LCLAT1: variants seen among roughly 807,000 people sequenced by gnomAD.
The protein encoded by LCLAT1 is lysocardiolipin acyltransferase 1.
In LCLAT1, 11 loss-of-function variants were observed where a neutral mutation model predicts 30.7. That is an observed-to-expected ratio of 0.36 (90% CI 0.23 to 0.59). The LOEUF (loss-of-function observed/expected upper bound fraction) is 0.59. Among genes scored for constraint, LCLAT1 ranks in the 20% least tolerant of loss-of-function variants. LCLAT1 has a pLI of 0.77. For synonymous variants in LCLAT1, 155 were observed against 151.3 expected (o/e 1.02, Z -0.18); for missense variants, 402 against 458.6 (o/e 0.88, Z 1.13).
intron 5 of LCLAT1, among the ~76,000 whole-genome samples, chr2:30,585,226 C>A (rs962067409): frequency 2.6e-5 from 4 of 152,114 alleles, no homozygotes; most frequent in Non-Finnish European, 5.9e-5. Flanking sequence ...ATCTCACTAC[C>A]ATATAATGTT....
chr2:30,597,556 G>A (rs1198022950), intron 5 of LCLAT1, among the ~76,000 whole-genome samples: 3 of 152,134 alleles, frequency 2.0e-5, no homozygotes, highest in African/African-American at 7.2e-5. Context: ...GAGGCAGTGG[G>A]ATTTTCTAGA....
chr2:30,532,986 G>C (rs933941110), intron 2 of LCLAT1, 130 bp from the exon 3 acceptor site: 33 of 657,682 alleles, frequency 5.0e-5, no homozygotes, highest in Non-Finnish European at 2.1e-5. Context: ...TTTTATTATA[G>C]AAGCAAGGAT....
At chr2:30,631,195 C>T (rs1467152864) in intron 5 of LCLAT1, among the ~76,000 whole-genome samples, 2 of 152,162 alleles carry the variant, frequency 1.3e-5, no homozygotes, top group Admixed American at 6.5e-5. Flanking sequence ...ATTCTGACCT[C>T]TATGGTGTCA....
At chr2:30,517,443 G>C (rs1685235032) in intron 1 of LCLAT1, among the ~76,000 whole-genome samples, 5 of 152,176 alleles carry the variant, frequency 3.3e-5, no homozygotes, top group Admixed American at 3.3e-4. Flanking sequence ...CATTGTGTAA[G>C]ATGCTCTCCT....
intron 5 of LCLAT1, among the ~76,000 whole-genome samples, chr2:30,585,944 A>G (rs2148471956): frequency 6.6e-6 from 1 of 152,284 alleles, no homozygotes; most frequent in Non-Finnish European, 1.5e-5. Flanking sequence ...ATTATCATAA[A>G]CTAGGTTGCT....
intron 1 of LCLAT1, among the ~76,000 whole-genome samples, chr2:30,503,712 C>G (rs949645549): frequency 6.6e-6 from 1 of 152,178 alleles, no homozygotes; most frequent in Admixed American, 6.5e-5. Flanking sequence ...TTGTTTGAAA[C>G]AGTTTGGAGG....
At chr2:30,500,789 A>G (rs557105341) in intron 1 of LCLAT1, among the ~76,000 whole-genome samples, 1 of 152,338 alleles carries the variant, frequency 6.6e-6, no homozygotes, top group South Asian at 2.1e-4. Flanking sequence ...CACTTGTCCC[A>G]TAGAACTGAT....
chr2:30,635,950 A>C (rs1669005021), intron 5 of LCLAT1, among the ~76,000 whole-genome samples: 1 of 152,192 alleles, frequency 6.6e-6, no homozygotes, highest in Admixed American at 6.5e-5. Flanking sequence ...TAAAAAAGCA[A>C]AGACATGGTC....
chr2:30,512,502 T>C (rs1684987889), intron 1 of LCLAT1, among the ~76,000 whole-genome samples: 1 of 152,170 alleles, frequency 6.6e-6, no homozygotes, highest in African/African-American at 2.4e-5. Context: ...AAAGGGTGGA[T>C]GGAGATTAAG....
rs1401258976 is a variant in LCLAT1, at chr2:30,641,833, T to G, written c.*1214T>G. On this transcript the variant is annotated 3_prime_UTR_variant, in exon 6 of 6. Transcript: ENST00000379509. ...AAATCCAGCACACCAAGCACCAGTC[T>G]TCTTCTGAGGCAAAAGAAAAGTGTT... 1 of 152,048 alleles carries G rather than the reference T, an allele frequency of 6.6e-6. No homozygotes were observed. Among genetic ancestry groups the G allele is most frequent in the African/African-American group, 2.4e-5 (1 of 41,434 alleles). The allele number at this position is 152,048 out of a possible 1,614,324, so 9.4% of individuals were successfully genotyped here.
At chr2:30,556,502 A>G (rs542913148) in intron 3 of LCLAT1, among the ~76,000 whole-genome samples, 6 of 142,298 alleles carry the variant, frequency 4.2e-5, no homozygotes, top group South Asian at 2.2e-4. Context: ...AACAGGAAAC[A>G]TAAAATGAGC....
intron 5 of LCLAT1, among the ~76,000 whole-genome samples, chr2:30,603,545 G>GACAGAATA (rs1392625369): frequency 6.6e-6 from 1 of 151,794 alleles, no homozygotes; most frequent in Non-Finnish European, 1.5e-5. Flanking sequence ...CAAATGAGAG[G>GACAGAATA]ACAGAATAGG....
intron 5 of LCLAT1, among the ~76,000 whole-genome samples, chr2:30,584,198 C>T (rs185603590): frequency 2.0e-5 from 3 of 152,234 alleles, no homozygotes; most frequent in Non-Finnish European, 2.9e-5. Flanking sequence ...TTTCTGAATC[C>T]GTGTAGCAGT....
chr2:30,512,535 A>T (rs1311615189), intron 1 of LCLAT1, among the ~76,000 whole-genome samples: 1 of 152,202 alleles, frequency 6.6e-6, no homozygotes, highest in Non-Finnish European at 1.5e-5. Context: ...ATCTCCAGAT[A>T]GCCTCTTTGT....
intron 5 of LCLAT1, among the ~76,000 whole-genome samples, chr2:30,598,693 A>G (rs948837004): frequency 1.3e-5 from 2 of 151,976 alleles, no homozygotes; most frequent in African/African-American, 4.8e-5. Context: ...GTCTTCTGCT[A>G]GCTTTGGAGT....
intron 1 of LCLAT1, among the ~76,000 whole-genome samples, chr2:30,480,792 G>A (rs1683281575): frequency 1.3e-5 from 2 of 152,070 alleles, no homozygotes; most frequent in African/African-American, 4.8e-5. Flanking sequence ...AGTGTGCTGG[G>A]GTTTTTTGCT....
intron 5 of LCLAT1, among the ~76,000 whole-genome samples, chr2:30,625,449 C>T (rs186616374): frequency 6.6e-6 from 1 of 152,230 alleles, no homozygotes; most frequent in Admixed American, 6.5e-5. Flanking sequence ...CTGTAACTTA[C>T]CAGAGACCTT....
At chr2:30,539,368 C>A (rs576821801) in intron 3 of LCLAT1, among the ~76,000 whole-genome samples, 16 of 151,252 alleles carry the variant, frequency 1.1e-4, no homozygotes, top group Non-Finnish European at 2.4e-4. Context: ...TTCCACCTCA[C>A]CCTCCTCCTG....
At chr2:30,533,599 C>G (rs1433732432) in intron 3 of LCLAT1, among the ~76,000 whole-genome samples, 4 of 152,164 alleles carry the variant, frequency 2.6e-5, no homozygotes, top group Admixed American at 6.5e-5. Context: ...AGTTTAGTAA[C>G]TTTTTATTGC....
Sources: allele counts gnomAD v4.1 joint callset (sites outside exome capture counted in the v4.1 genomes callset), GRCh38; gene constraint gnomAD v4.1.1; transcripts MANE v1.5; gene names NCBI Gene and HGNC (gene_info 2026-07-23, HGNC 2026-07-21).